Variants in HTR1F observed in about 807,000 individuals in gnomAD.
HTR1F encodes 5-hydroxytryptamine (serotonin) receptor 1F, G protein-coupled.
In HTR1F, 17 loss-of-function variants were observed where a neutral mutation model predicts 24.0. The ratio of observed to expected loss-of-function variants is 0.71; its 90% CI spans 0.48 to 1.06. The LOEUF is 1.06. Ranked by LOEUF, HTR1F falls within the 50% of genes least tolerant of loss-of-function variation. HTR1F has a pLI of 0.00. For missense variants in HTR1F, 391 were observed against 427.8 expected, an observed-to-expected ratio of 0.91 and a Z score of 0.76; for synonymous variants, 186 against 156.8, an observed-to-expected ratio of 1.19 and a Z score of -1.39.
At chr3:87,937,801 G>A (rs1338141684) in intron 2 of HTR1F, among the ~76,000 whole-genome samples, 1 of 152,010 alleles carries the variant, frequency 6.6e-6, no homozygotes, top group Non-Finnish European at 1.5e-5. Flanking sequence ...GTGGGTGCCT[G>A]TAGTCCCAGC....
At chr3:87,896,965 T>C (rs1452422150) in intron 2 of HTR1F, among the ~76,000 whole-genome samples, 1 of 152,142 alleles carries the variant, frequency 6.6e-6, no homozygotes, top group Non-Finnish European at 1.5e-5. Flanking sequence ...GGTGGGAATG[T>C]AGCTTATTGC....
chr3:87,961,689 C>T lies in HTR1F; in HGVS notation c.-42-29019C>T, dbSNP rs1469367195. Among the ~76,000 whole-genome samples the T allele has an allele frequency of 7.3e-5, 11 of 151,494 alleles. No individual in the cohort carries two copies. The South Asian group carries it at 1.3e-3, about 17-fold the overall frequency. ...ACACAGTATCTAATATCTCACCCAGCGAGACAACTTCACTGTGTGACAAAA... is the reference window on the plus strand; with the variant it reads ...ACACAGTATCTAATATCTCACCCAGTGAGACAACTTCACTGTGTGACAAAA... On this transcript the variant is annotated intron_variant, in intron 2 of 2. Coordinates refer to ENST00000319595, the MANE Select transcript of HTR1F (RefSeq NM_001322209.2).
At chr3:87,837,804 G>A (rs1211798811) in intron 2 of HTR1F, among the ~76,000 whole-genome samples, 2 of 151,870 alleles carry the variant, frequency 1.3e-5, no homozygotes, top group Admixed American at 6.6e-5. Flanking sequence ...GGCATTAAGT[G>A]GCATTGAATG....
intron 2 of HTR1F, among the ~76,000 whole-genome samples, chr3:87,921,805 A>G (rs1409431297): frequency 6.6e-6 from 1 of 151,964 alleles, no homozygotes; most frequent in Non-Finnish European, 1.5e-5. Flanking sequence ...AGAAATATTA[A>G]GTGAAAACAT....
chr3:87,862,686 T>C (rs1334162782), intron 2 of HTR1F, among the ~76,000 whole-genome samples: 1 of 152,228 alleles, frequency 6.6e-6, no homozygotes, highest in Non-Finnish European at 1.5e-5. Context: ...TTCCGCTGTC[T>C]CTAATGAAAA....
chr3:87,966,520 G>A (rs1017463214), intron 2 of HTR1F, among the ~76,000 whole-genome samples: 5 of 152,018 alleles, frequency 3.3e-5, no homozygotes, highest in African/African-American at 1.2e-4. Context: ...TCTGTCACAT[G>A]GACACTCTTT....
At chr3:87,927,352 T>A (rs1021721612) in intron 2 of HTR1F, among the ~76,000 whole-genome samples, 3 of 145,744 alleles carry the variant, frequency 2.1e-5, no homozygotes, top group African/African-American at 7.9e-5. Flanking sequence ...TTATTCGTCT[T>A]AGTTTTAAAT....
At chr3:87,931,552 G>C (rs1704272255) in intron 2 of HTR1F, among the ~76,000 whole-genome samples, 1 of 152,114 alleles carries the variant, frequency 6.6e-6, no homozygotes, top group African/African-American at 2.4e-5. Context: ...ATAGTCCATT[G>C]GGTATATACC....
At chr3:87,947,829 T>C (rs1704745169) in intron 2 of HTR1F, among the ~76,000 whole-genome samples, 1 of 152,190 alleles carries the variant, frequency 6.6e-6, no homozygotes, top group East Asian at 1.9e-4. Context: ...TAAGCAGTTA[T>C]TAAATTTGAC....
chr3:87,883,072 G>T (rs1378630280), intron 2 of HTR1F, among the ~76,000 whole-genome samples: 1 of 151,992 alleles, frequency 6.6e-6, no homozygotes, highest in Non-Finnish European at 1.5e-5. Flanking sequence ...CATACAGGTG[G>T]GTGCCCCTCT....
intron 2 of HTR1F, among the ~76,000 whole-genome samples, chr3:87,857,755 A>T (rs1705227176): frequency 6.6e-6 from 1 of 152,110 alleles, no homozygotes; most frequent in Non-Finnish European, 1.5e-5. Flanking sequence ...CCCAGAGTCC[A>T]TAGTTTACAT....
intron 1 of HTR1F, among the ~76,000 whole-genome samples, chr3:87,815,438 A>G (rs1704232839): frequency 6.6e-6 from 1 of 152,090 alleles, no homozygotes; most frequent in Non-Finnish European, 1.5e-5. Flanking sequence ...AAATGAGCCT[A>G]TGGATTTGTC....
chr3:87,858,989 A>G (rs1019049009), intron 2 of HTR1F, among the ~76,000 whole-genome samples: 1 of 152,122 alleles, frequency 6.6e-6, no homozygotes, highest in African/African-American at 2.4e-5. Context: ...TGAGGTCAGG[A>G]GTTCGAGACC....
intron 1 of HTR1F, among the ~76,000 whole-genome samples, chr3:87,811,807 T>C (rs1704165359): frequency 6.6e-6 from 1 of 152,236 alleles, no homozygotes; most frequent in African/African-American, 2.4e-5. Context: ...GGTTTGGCTC[T>C]GTTGCCCTAC....
intron 2 of HTR1F, among the ~76,000 whole-genome samples, chr3:87,859,871 G>C (rs1430939071): frequency 6.6e-6 from 1 of 152,140 alleles, no homozygotes; most frequent in East Asian, 1.9e-4. Flanking sequence ...AAAAAAAGTA[G>C]ATATTTCACT....
chr3:87,816,608 A>T (rs1164725603), intron 1 of HTR1F, among the ~76,000 whole-genome samples: 2 of 152,036 alleles, frequency 1.3e-5, no homozygotes, highest in South Asian at 2.1e-4. Flanking sequence ...AGAAATTGCT[A>T]TTTAATTTAC....
chr3:87,841,930 A>G (rs1276175655), intron 2 of HTR1F, among the ~76,000 whole-genome samples: 4 of 151,026 alleles, frequency 2.6e-5, no homozygotes, highest in Admixed American at 2.6e-4. Flanking sequence ...AAAGAAAAAA[A>G]AAAAAAAACT....
intron 2 of HTR1F, among the ~76,000 whole-genome samples, chr3:87,925,462 G>A (rs559322747): frequency 2.0e-5 from 3 of 152,228 alleles, no homozygotes; most frequent in South Asian, 4.2e-4. Context: ...AAGTGCTGTG[G>A]TCACATTTGT....
chr3:87,888,677 T>C (rs749451529), intron 2 of HTR1F, among the ~76,000 whole-genome samples: 2 of 152,180 alleles, frequency 1.3e-5, no homozygotes, highest in Non-Finnish European at 2.9e-5. Context: ...GCATAAGCTC[T>C]GCAATCTCTT....
Sources: gnomAD v4.1 joint callset for allele counts (sites outside exome capture counted in the v4.1 genomes callset) on GRCh38, gnomAD v4.1.1 for gene constraint, MANE v1.5 for transcripts, NCBI Gene and HGNC (gene_info 2026-07-23, HGNC 2026-07-21) for gene names.